Variants in AGAP5 observed in about 807,000 individuals in gnomAD.
AGAP5 encodes the protein ArfGAP with GTPase domain, ankyrin repeat and PH domain 5.
Under a neutral mutation model 27.7 loss-of-function variants are expected in AGAP5, and 8 were observed. The observed-to-expected ratio is 0.29, with a 90% confidence interval of 0.17 to 0.52. The LOEUF (loss-of-function observed/expected upper bound fraction) is 0.52. Ranked by LOEUF, AGAP5 falls within the 20% of genes least tolerant of loss-of-function variation. AGAP5 has a pLI of 0.97. For missense variants in AGAP5, 285 were observed against 880.8 expected, an observed-to-expected ratio of 0.32 and a Z score of 8.56; for synonymous variants, 111 against 338.0, an observed-to-expected ratio of 0.33 and a Z score of 7.37.
intron 4 of AGAP5, among the ~76,000 whole-genome samples, chr10:73,689,001 C>T (rs1368986926): frequency 1.3e-5 from 2 of 152,192 alleles, no homozygotes; most frequent in Non-Finnish European, 2.9e-5. Context: ...TCCGCCTCCG[C>T]CTCCGCCTCT....
intron 4 of AGAP5, among the ~76,000 whole-genome samples, chr10:73,683,366 AAAAAG>A (rs1241418968): frequency 6.2e-5 from 6 of 96,602 alleles, no homozygotes; most frequent in Non-Finnish European, 9.1e-5. Flanking sequence ...AAAAAAAAAA[AAAAAG>A]AAAGAAAAGT....
intron 1 of AGAP5, 132 bp downstream of exon 1, chr10:73,697,401 T>A: frequency 1.3e-6 from 2 of 1,575,488 alleles, no homozygotes; most frequent in Admixed American, 3.6e-5. Flanking sequence ...CAGCTTTTGT[T>A]CCTGGCCAGC....
In AGAP5 at chr10:73,697,979, C is replaced by G; in HGVS notation, c.-224G>C. 2.0e-6 allele frequency: 3 copies of G among 1,488,664 alleles called. No individual in the cohort carries two copies. Among genetic ancestry groups the G allele is most frequent in the Middle Eastern group, 2.4e-4 (1 of 4,096 alleles). The allele number at this position is 1,488,664 out of a possible 1,614,324, so 92.2% of individuals were successfully genotyped here. A position where few individuals can be genotyped will look rare whatever the true frequency, so the allele number is the denominator to read the frequency against. On this transcript the variant is annotated 5_prime_UTR_variant, in exon 1 of 8. Transcript: ENST00000374094. ...CACCCTGCTGCCTCCCCTGAGTTGA[C>G]TTGTCTGGGAGGGTGAAGACCAGCT...
chr10:73,696,664 C>T (rs1373439538), intron 2 of AGAP5, among the ~76,000 whole-genome samples: 1 of 152,234 alleles, frequency 6.6e-6, no homozygotes, highest in African/African-American at 2.4e-5. Flanking sequence ...AACCATTTTT[C>T]TGCAGCCCCG....
intron 3 of AGAP5, among the ~76,000 whole-genome samples, chr10:73,692,721 C>G (rs1223962786): frequency 7.0e-6 from 1 of 142,982 alleles, no homozygotes; most frequent in East Asian, 2.0e-4. Context: ...CAGCTCACTG[C>G]AACCTCTGCC....
chr10:73,689,640 G>A (rs1007850867), intron 4 of AGAP5, among the ~76,000 whole-genome samples: 15 of 149,564 alleles, frequency 1.0e-4, no homozygotes, highest in Middle Eastern at 3.7e-3. Flanking sequence ...CTGCCCTGCC[G>A]CCCCGTCCAG....
At chr10:73,677,376 CTTTTTTTTT>C (rs3998276) in intron 6 of AGAP5, among the ~76,000 whole-genome samples, 2 of 32,502 alleles carry the variant, frequency 6.2e-5, no homozygotes, top group South Asian at 9.3e-4. Flanking sequence ...CATAACTGTT[CTTTTTTTTT>C]TTTTTTTTTT....
At chr10:73,693,346 G>T (rs1457335870) in intron 3 of AGAP5, among the ~76,000 whole-genome samples, 1 of 152,282 alleles carries the variant, frequency 6.6e-6, no homozygotes, top group East Asian at 1.9e-4. Flanking sequence ...GATTCCTTAT[G>T]AATGGCTTGG....
intron 4 of AGAP5, among the ~76,000 whole-genome samples, chr10:73,688,146 A>G (rs746344556): frequency 3.3e-5 from 5 of 152,228 alleles, no homozygotes; most frequent in African/African-American, 4.8e-5. Flanking sequence ...GCTCAGAGAC[A>G]CCATGGCTTA....
intron 6 of AGAP5, among the ~76,000 whole-genome samples, chr10:73,679,706 T>C (rs2082009283): frequency 6.6e-6 from 1 of 152,078 alleles, no homozygotes; most frequent in Non-Finnish European, 1.5e-5. Flanking sequence ...GTAGAGGCCA[T>C]GAATACTGCT....
At chr10:73,692,873 C>T (rs2082131138) in intron 3 of AGAP5, among the ~76,000 whole-genome samples, 1 of 151,912 alleles carries the variant, frequency 6.6e-6, no homozygotes, top group Non-Finnish European at 1.5e-5. Context: ...TCTTGATCTC[C>T]TAACCTCGTG....
intron 4 of AGAP5, among the ~76,000 whole-genome samples, chr10:73,691,580 C>T (rs2082119640): frequency 2.6e-5 from 4 of 151,788 alleles, no homozygotes; most frequent in African/African-American, 4.8e-5. Flanking sequence ...GCAACCTCCG[C>T]CTCCTGGGTT....
chr10:73,688,987 C>G (rs143371955), intron 4 of AGAP5, among the ~76,000 whole-genome samples: 2 of 148,484 alleles, frequency 1.3e-5, no homozygotes, highest in African/African-American at 2.6e-5. Flanking sequence ...CTGCCTCTGC[C>G]GCCTCCGCCT....
chr10:73,690,269 G>A (rs1364548917), intron 4 of AGAP5, among the ~76,000 whole-genome samples: 1 of 152,216 alleles, frequency 6.6e-6, no homozygotes, highest in Admixed American at 6.5e-5. Context: ...ACTAAGAAAA[G>A]TTCTTCTGCC....
Position 73,697,625 on chromosome 10 carries a change from G to C in AGAP5, c.131C>G (p.Pro44Arg), listed in dbSNP as rs1468126961. Reference protein sequence around the residue: ...AGAGDRMAGAPMAAAVQPAEV... With the variant: ...AGAGDRMAGARMAAAVQPAEV... ...AGCAGGCTGCACAGCAGCAGCCATG[G>C]GCGCTCCTGCCATCCTGTCCCCAGC... Residue 44 changes from proline to arginine, a missense_variant, in exon 1 of 8, where the codon CCC (proline) becomes CGC (arginine). Pro to Arg is a moderately radical substitution (Grantham distance 103). Transcript: ENST00000374094. 1.9e-6 allele frequency: 3 copies of C among 1,608,038 alleles called. No homozygotes were observed. Among genetic ancestry groups the C allele is most frequent in the Non-Finnish European group, 2.5e-6 (3 of 1,179,848 alleles).
intron 6 of AGAP5, among the ~76,000 whole-genome samples, chr10:73,679,442 G>A (rs1416648586): frequency 6.6e-6 from 1 of 152,070 alleles, no homozygotes; most frequent in African/African-American, 2.4e-5. Context: ...GATTACAGGC[G>A]TGAGCCACTG....
At chr10:73,689,790 G>A (rs1181846743) in intron 4 of AGAP5, among the ~76,000 whole-genome samples, 101 of 150,768 alleles carry the variant, frequency 6.7e-4, no homozygotes, top group African/African-American at 2.1e-3. Flanking sequence ...CCCTCCGCCC[G>A]GCAGCCACCC....
intron 6 of AGAP5, among the ~76,000 whole-genome samples, chr10:73,677,865 C>T (rs2132440567): frequency 6.6e-6 from 1 of 152,312 alleles, no homozygotes; most frequent in Admixed American, 6.5e-5. Context: ...GTACCAATTA[C>T]ATTAGTAGTC....
chr10:73,691,029 G>A (rs1589475755), intron 4 of AGAP5, among the ~76,000 whole-genome samples: 2 of 152,208 alleles, frequency 1.3e-5, no homozygotes, highest in East Asian at 3.8e-4. Context: ...AAAAACAGCT[G>A]TTAGAAAACA....
Sources: allele counts gnomAD v4.1 joint callset (sites outside exome capture counted in the v4.1 genomes callset), GRCh38; gene constraint gnomAD v4.1.1; transcripts MANE v1.5; gene names NCBI Gene and HGNC (gene_info 2026-07-23, HGNC 2026-07-21).